SH3RF3: variants seen among roughly 807,000 people sequenced by gnomAD.
SH3RF3 encodes E3 ubiquitin-protein ligase SH3RF3.
In SH3RF3, 29 loss-of-function variants were observed where a neutral mutation model predicts 66.3. That is an observed-to-expected ratio of 0.44 (90% CI 0.33 to 0.60). The LOEUF (loss-of-function observed/expected upper bound fraction) is 0.60, where lower values mean the gene tolerates loss of function less well. SH3RF3 is among the 20% of genes least tolerant of loss of function. The pLI is 0.04. For synonymous variants in SH3RF3, 583 were observed against 532.0 expected (o/e 1.10, Z -1.32); for missense variants, 1,194 against 1,190.9 (o/e 1.00, Z -0.04).
chr2:109,195,348 G>T (rs1678471219), intron 1 of SH3RF3, among the ~76,000 whole-genome samples: 1 of 152,192 alleles, frequency 6.6e-6, no homozygotes, highest in African/African-American at 2.4e-5. Context: ...CAGGACAAGG[G>T]GCAAGTGAGG....
chr2:109,406,341 C>T (rs1676452578), intron 4 of SH3RF3, among the ~76,000 whole-genome samples: 1 of 152,072 alleles, frequency 6.6e-6, no homozygotes, highest in Non-Finnish European at 1.5e-5. Context: ...CCTCATAAAC[C>T]AAGTATGAAG....
intron 3 of SH3RF3, among the ~76,000 whole-genome samples, chr2:109,390,076 G>A (rs562631767): frequency 5.3e-5 from 8 of 152,154 alleles, no homozygotes; most frequent in South Asian, 2.1e-4. Flanking sequence ...ACACCCCACC[G>A]GAGGGACTCG....
intron 9 of SH3RF3, among the ~76,000 whole-genome samples, chr2:109,495,255 G>T (rs777815911): frequency 1.7e-4 from 26 of 152,198 alleles, no homozygotes; most frequent in Non-Finnish European, 3.2e-4. Flanking sequence ...ATGGCATCAG[G>T]TTAGAACCGT....
intron 1 of SH3RF3, among the ~76,000 whole-genome samples, chr2:109,163,459 C>T (rs113933329): frequency 0.28 from 34,888 of 124,996 alleles, 4,768 homozygotes; most frequent in East Asian, 0.47. Flanking sequence ...AGTGCAGTGG[C>T]GGGATCTCGG....
intron 1 of SH3RF3, among the ~76,000 whole-genome samples, chr2:109,273,198 C>T (rs1680668335): frequency 6.6e-6 from 1 of 152,200 alleles, no homozygotes; most frequent in Admixed American, 6.5e-5. Context: ...AGATCCTAGG[C>T]CTGTCCTGAG....
chr2:109,286,536 C>T (rs1681034156), intron 1 of SH3RF3, among the ~76,000 whole-genome samples: 1 of 152,178 alleles, frequency 6.6e-6, no homozygotes, highest in African/African-American at 2.4e-5. Context: ...CACTAAAACC[C>T]CAGAGCCAGG....
At chr2:109,133,231 C>T (rs141855471) in intron 1 of SH3RF3, among the ~76,000 whole-genome samples, 2 of 152,280 alleles carry the variant, frequency 1.3e-5, no homozygotes, top group African/African-American at 4.8e-5. Context: ...TAGGCAGTGC[C>T]TTTGATGATA....
chr2:109,245,842 A>G (rs1181056423), intron 1 of SH3RF3, among the ~76,000 whole-genome samples: 1 of 152,232 alleles, frequency 6.6e-6, no homozygotes, highest in Admixed American at 6.5e-5. Context: ...ATCCATCATG[A>G]GAGATTGAAT....
intron 1 of SH3RF3, among the ~76,000 whole-genome samples, chr2:109,227,487 A>G (rs191352429): frequency 6.6e-6 from 1 of 152,292 alleles, no homozygotes; most frequent in Non-Finnish European, 1.5e-5. Context: ...CATTGAAGCT[A>G]TCAGGGACTG....
At chr2:109,218,564 C>T (rs570355084) in intron 1 of SH3RF3, among the ~76,000 whole-genome samples, 1 of 152,096 alleles carries the variant, frequency 6.6e-6, no homozygotes, top group Non-Finnish European at 1.5e-5. Flanking sequence ...AACAATAGAC[C>T]TTTTCATCTC....
chr2:109,305,435 CCT>C (rs1213022798), intron 1 of SH3RF3, among the ~76,000 whole-genome samples: 4 of 152,160 alleles, frequency 2.6e-5, no homozygotes, highest in Admixed American at 2.6e-4. Context: ...TTCCTATTTC[CCT>C]GTCTCCAGCC....
At chr2:109,346,461 C>T (rs571634381) in intron 1 of SH3RF3, among the ~76,000 whole-genome samples, 47 of 152,242 alleles carry the variant, frequency 3.1e-4, no homozygotes, top group Non-Finnish European at 4.4e-4. Context: ...TGAGAAAATG[C>T]GGCTTCTGGT....
intron 3 of SH3RF3, among the ~76,000 whole-genome samples, chr2:109,390,229 C>T (rs2104409656): frequency 6.6e-6 from 1 of 152,334 alleles, no homozygotes; most frequent in South Asian, 2.1e-4. Context: ...CCTTCACACA[C>T]TTCTTTGCCC....
At chr2:109,290,363 T>G (rs1681135215) in intron 1 of SH3RF3, among the ~76,000 whole-genome samples, 1 of 152,256 alleles carries the variant, frequency 6.6e-6, no homozygotes, top group African/African-American at 2.4e-5. Context: ...GAGAAATTAG[T>G]GTGATCAGGG....
chr2:109,176,263 T>C (rs996544969), intron 1 of SH3RF3, among the ~76,000 whole-genome samples: 1 of 152,132 alleles, frequency 6.6e-6, no homozygotes, highest in South Asian at 2.1e-4. Context: ...TTTAATAAAA[T>C]AGAAAAGGGT....
intron 1 of SH3RF3, among the ~76,000 whole-genome samples, chr2:109,333,520 G>A (rs1340590895): frequency 6.6e-6 from 1 of 152,224 alleles, no homozygotes; most frequent in Non-Finnish European, 1.5e-5. Flanking sequence ...ACCTGTTTGT[G>A]TAAGTAAAGT....
intron 8 of SH3RF3, among the ~76,000 whole-genome samples, chr2:109,488,452 T>G (rs1679037947): frequency 1.3e-5 from 2 of 152,202 alleles, no homozygotes. Flanking sequence ...CTTTCCTTCC[T>G]GGCCTGCGGA....
At chr2:109,185,947 C>T (rs1172628279) in intron 1 of SH3RF3, among the ~76,000 whole-genome samples, 2 of 152,070 alleles carry the variant, frequency 1.3e-5, no homozygotes, top group Non-Finnish European at 2.9e-5. Context: ...CCCTGTGCCC[C>T]GTGCTTGGCC....
At chr2:109,430,730 C>A (rs902241066) in intron 5 of SH3RF3, among the ~76,000 whole-genome samples, 1 of 152,192 alleles carries the variant, frequency 6.6e-6, no homozygotes, top group African/African-American at 2.4e-5. Flanking sequence ...GTCACCTAGA[C>A]ATAGCATTGA....
Sources: allele counts gnomAD v4.1 joint callset (sites outside exome capture counted in the v4.1 genomes callset), GRCh38; gene constraint gnomAD v4.1.1; transcripts MANE v1.5; gene names NCBI Gene and HGNC (gene_info 2026-07-23, HGNC 2026-07-21).